The following THEMIS variants were observed in gnomAD, a reference collection of about 807,000 sequenced individuals.
THEMIS encodes the protein protein THEMIS.
In THEMIS, 37 loss-of-function variants were observed where a neutral mutation model predicts 52.6. That is an observed-to-expected ratio of 0.70 (90% confidence interval 0.54 to 0.93). The LOEUF (loss-of-function observed/expected upper bound fraction) is 0.93, where lower values mean the gene tolerates loss of function less well. THEMIS is among the 40% of genes least tolerant of loss of function. The pLI is 0.00. For synonymous variants in THEMIS, 292 were observed against 272.7 expected (o/e 1.07, Z -0.70); for missense variants, 808 against 763.1 (o/e 1.06, Z -0.69).
intron 1 of THEMIS, among the ~76,000 whole-genome samples, chr6:127,886,727 T>A (rs1346294845): frequency 1.3e-5 from 2 of 152,132 alleles, no homozygotes; most frequent in African/African-American, 4.8e-5. Context: ...GCATCATTGT[T>A]AAGAGATTTA....
chr6:127,848,612 C>T (rs1479225879), intron 2 of THEMIS, among the ~76,000 whole-genome samples: 1 of 152,064 alleles, frequency 6.6e-6, no homozygotes, highest in Non-Finnish European at 1.5e-5. Context: ...TTAATGATCG[C>T]CATTCTAACT....
chr6:127,820,940 T>A (rs1452937372), intron 3 of THEMIS, among the ~76,000 whole-genome samples: 1 of 151,980 alleles, frequency 6.6e-6, no homozygotes, highest in Non-Finnish European at 1.5e-5. Context: ...TTTCATTAAT[T>A]TTTATGGCAA....
intron 4 of THEMIS, among the ~76,000 whole-genome samples, chr6:127,758,177 A>T (rs1775898983): frequency 1.3e-5 from 2 of 150,950 alleles, no homozygotes; most frequent in South Asian, 4.2e-4. Context: ...AATAAGATGT[A>T]ATTTAAAAGG....
At chr6:127,914,175 A>G (rs1781470615) in intron 1 of THEMIS, among the ~76,000 whole-genome samples, 1 of 152,174 alleles carries the variant, frequency 6.6e-6, no homozygotes, top group Admixed American at 6.6e-5. Context: ...CTTCAACATG[A>G]GGCTAGACTT....
chr6:127,826,252 T>C (rs931369461), intron 3 of THEMIS, among the ~76,000 whole-genome samples: 1 of 152,166 alleles, frequency 6.6e-6, no homozygotes, highest in African/African-American at 2.4e-5. Context: ...GATAACATTG[T>C]TATAATTCTT....
chr6:127,876,859 T>A (rs1780329002), intron 1 of THEMIS, among the ~76,000 whole-genome samples: 1 of 152,180 alleles, frequency 6.6e-6, no homozygotes, highest in South Asian at 2.1e-4. Context: ...TATAATTTAC[T>A]TAAAATACTT....
At chr6:127,877,067 T>C (rs1162198564) in intron 1 of THEMIS, among the ~76,000 whole-genome samples, 1 of 152,218 alleles carries the variant, frequency 6.6e-6, no homozygotes, top group African/African-American at 2.4e-5. Flanking sequence ...ATAATGTATA[T>C]ACCTTAATTT....
chr6:127,757,838 A>T (rs1384670416), intron 4 of THEMIS, among the ~76,000 whole-genome samples: 2 of 152,276 alleles, frequency 1.3e-5, no homozygotes, highest in East Asian at 3.9e-4. Flanking sequence ...TAATATCAGT[A>T]TAGCTAAGAA....
chr6:127,887,649 A>C (rs1780686441), intron 1 of THEMIS, among the ~76,000 whole-genome samples: 1 of 152,184 alleles, frequency 6.6e-6, no homozygotes, highest in Non-Finnish European at 1.5e-5. Flanking sequence ...TGTCTATAGA[A>C]GGCAAATTTA....
At chr6:127,876,176 C>T (rs1247470394) in intron 1 of THEMIS, among the ~76,000 whole-genome samples, 1 of 152,098 alleles carries the variant, frequency 6.6e-6, no homozygotes, top group South Asian at 2.1e-4. Context: ...ACACTACAGG[C>T]AATGAAATGT....
intron 5 of THEMIS, among the ~76,000 whole-genome samples, chr6:127,710,296 C>T (rs769188813): frequency 2.6e-5 from 4 of 151,906 alleles, no homozygotes; most frequent in East Asian, 1.9e-4. Context: ...CTTTTCTTTG[C>T]GTTTCAGTTC....
At chr6:127,762,957 A>C (rs1307926966) in intron 4 of THEMIS, among the ~76,000 whole-genome samples, 1 of 151,228 alleles carries the variant, frequency 6.6e-6, no homozygotes. Flanking sequence ...ATCTGCACTG[A>C]AAAAAAAAGA....
chr6:127,904,348 G>C (rs561842623), upstream of THEMIS, among the ~76,000 whole-genome samples: 1 of 152,166 alleles, frequency 6.6e-6, no homozygotes, highest in East Asian at 1.9e-4. Flanking sequence ...TGGGAAGCCA[G>C]GGCCAGCCAA....
chr6:127,813,470 C>A lies in THEMIS; in HGVS notation c.1171G>T (p.Val391Leu), dbSNP rs932441431. The A allele has an allele frequency of 5.0e-6, 8 of 1,613,930 alleles. No homozygotes were observed. The highest frequency in any genetic ancestry group is 2.2e-5 in the East Asian group (1 of 44,888). Residue 391 changes from valine (V) to leucine (L), a missense_variant, in exon 4 of 6, where the codon GTG becomes TTG. Transcript: ENST00000368248. ...ACTTCAGTCGTCTCTGACTGATGCACCAGAAACTGGTCCCCAACAGATACG... is the reference window on the plus strand; with the variant it reads ...ACTTCAGTCGTCTCTGACTGATGCAACAGAAACTGGTCCCCAACAGATACG... The part of the protein sequence containing the change: ...SSVSVGDQFL[V>L]HQSETTEVLC...
At chr6:127,750,838 C>T (rs551623440) in intron 4 of THEMIS, among the ~76,000 whole-genome samples, 2 of 151,808 alleles carry the variant, frequency 1.3e-5, no homozygotes, top group South Asian at 2.1e-4. Flanking sequence ...ATTCCAAGTG[C>T]TGAAAACATT....
intron 1 of THEMIS, among the ~76,000 whole-genome samples, chr6:127,856,797 C>G (rs970079471): frequency 6.6e-6 from 1 of 151,858 alleles, no homozygotes; most frequent in African/African-American, 2.4e-5. Flanking sequence ...CTTTGTGGAA[C>G]AAATTGAGGT....
chr6:127,847,333 G>C (rs897156534), intron 2 of THEMIS, among the ~76,000 whole-genome samples: 1 of 151,928 alleles, frequency 6.6e-6, no homozygotes, highest in Non-Finnish European at 1.5e-5. Context: ...TGGAAAAGAG[G>C]AAGTCAAACT....
intron 4 of THEMIS, among the ~76,000 whole-genome samples, chr6:127,796,213 G>A (rs968093632): frequency 6.6e-6 from 1 of 152,058 alleles, no homozygotes; most frequent in Non-Finnish European, 1.5e-5. Flanking sequence ...ACTAATGTGG[G>A]TTGATCCTGG....
chr6:127,867,778 T>A (rs1351828115), intron 1 of THEMIS, among the ~76,000 whole-genome samples: 1 of 152,182 alleles, frequency 6.6e-6, no homozygotes, highest in East Asian at 1.9e-4. Context: ...GACTATGCTA[T>A]GCCTGTAAAT....
Sources: gnomAD v4.1 joint callset for allele counts (sites outside exome capture counted in the v4.1 genomes callset) on GRCh38, gnomAD v4.1.1 for gene constraint, MANE v1.5 for transcripts, NCBI Gene and HGNC (gene_info 2026-07-23, HGNC 2026-07-21) for gene names.